PLCB4: variants seen among roughly 807,000 people sequenced by gnomAD.
PLCB4 encodes the protein 1-phosphatidylinositol 4,5-bisphosphate phosphodiesterase beta-4.
A neutral mutation model predicts 178.8 loss-of-function variants in PLCB4; 77 were observed. That is an observed-to-expected ratio of 0.43 (90% confidence interval 0.36 to 0.52). The LOEUF (loss-of-function observed/expected upper bound fraction) is 0.52, where lower values mean the gene tolerates loss of function less well. PLCB4 is among the 20% of genes least tolerant of loss of function. PLCB4 has a pLI of 0.00. For synonymous variants in PLCB4, 496 were observed against 490.8 expected (o/e 1.01, Z -0.14); for missense variants, 1,024 against 1,453.4 (o/e 0.70, Z 4.80).
rs148681704 is a variant in PLCB4 at position 9,186,431 on chromosome 20, A to G, written c.-78-30959A>G. 9.3e-3 allele frequency among the ~76,000 whole-genome samples: 1,423 copies of G among 152,306 alleles called. 24 individuals carry two copies. Among genetic ancestry groups the G allele is most frequent in the African/African-American group, 0.033 (1,361 of 41,564 alleles). On this transcript the variant is annotated intron_variant, in intron 2 of 39. Transcript: ENST00000378473. Reference sequence around the variant, plus strand: ...ATTGGCACGAGGCTCTTTTCAGGAAAGGGCCACTTTAACATCTATGGAAAA... The same window carrying G: ...ATTGGCACGAGGCTCTTTTCAGGAAGGGGCCACTTTAACATCTATGGAAAA...
chr20:9,383,563 G>A (rs1003135562), intron 13 of PLCB4, among the ~76,000 whole-genome samples: 1 of 152,178 alleles, frequency 6.6e-6, no homozygotes, highest in African/African-American at 2.4e-5. Context: ...AGGTGTGATC[G>A]AAATGAAGGG....
intron 32 of PLCB4, among the ~76,000 whole-genome samples, chr20:9,449,376 G>A (rs1238964610): frequency 6.6e-6 from 1 of 152,092 alleles, no homozygotes; most frequent in Non-Finnish European, 1.5e-5. Flanking sequence ...GTCCAAGCAG[G>A]AAGTAGCTGA....
At chr20:9,268,478 G>C (rs1486523338) in intron 3 of PLCB4, among the ~76,000 whole-genome samples, 3 of 152,104 alleles carry the variant, frequency 2.0e-5, no homozygotes, top group Admixed American at 6.5e-5. Context: ...CTTATATCTG[G>C]GTATTTTGTC....
chr20:9,267,989 C>A (rs1417637802), intron 3 of PLCB4, among the ~76,000 whole-genome samples: 1 of 152,024 alleles, frequency 6.6e-6, no homozygotes, highest in African/African-American at 2.4e-5. Flanking sequence ...TCTGTCACTT[C>A]TATAGAGAGT....
chr20:9,307,143 G>A lies in PLCB4; in HGVS notation c.-15-657G>A, dbSNP rs142698090. 6.1e-3 allele frequency among the ~76,000 whole-genome samples: 924 copies of A among 152,224 alleles called. 7 individuals carry two copies. Among genetic ancestry groups the A allele is most frequent in the South Asian group, 0.028 (134 of 4,818 alleles). ...CTGCTACAAACATTGTGAACACCCC[G>A]AGGCCCCACCTCAGTGGGCAGGCTG... On this transcript the variant is annotated intron_variant, in intron 3 of 39. Coordinates refer to ENST00000378473, the MANE Select transcript of PLCB4 (RefSeq NM_001377142.1).
At chr20:9,073,325 C>G (rs966481219) in intron 1 of PLCB4, among the ~76,000 whole-genome samples, 4 of 152,206 alleles carry the variant, frequency 2.6e-5, no homozygotes, top group African/African-American at 9.6e-5. Context: ...TTCTCTAGAA[C>G]AGGAGTTCTT....
Position 9,075,214 on chromosome 20 carries a change from T to C in PLCB4, c.-135+6008T>C, listed in dbSNP as rs62192800. Among the ~76,000 whole-genome samples, 1,473 of 152,232 alleles carry C rather than the reference T, an allele frequency of 9.7e-3. 9 individuals carry two copies. Among genetic ancestry groups the C allele is most frequent in the Non-Finnish European group, 0.016 (1,085 of 68,012 alleles). ...GGTAGGCTGACATCAGAACTCCAACTTCTAACCACCGTACTGTGTATTACC... is the reference window on the plus strand; with the variant it reads ...GGTAGGCTGACATCAGAACTCCAACCTCTAACCACCGTACTGTGTATTACC... On this transcript the variant is annotated intron_variant, in intron 1 of 39. Transcript: ENST00000378473.
chr20:9,236,067 G>A (rs142592110), intron 3 of PLCB4, among the ~76,000 whole-genome samples: 4 of 152,308 alleles, frequency 2.6e-5, no homozygotes, highest in Non-Finnish European at 5.9e-5. Flanking sequence ...CAATATGCGG[G>A]ATCCCCCTTC....
At chr20:9,317,353 C>T (rs892446150) in intron 4 of PLCB4, among the ~76,000 whole-genome samples, 1 of 152,182 alleles carries the variant, frequency 6.6e-6, no homozygotes, top group African/African-American at 2.4e-5. Context: ...TAACAGACTG[C>T]TCACCTTTCT....
At chr20:9,351,027 G>A (rs16995778) in intron 7 of PLCB4, among the ~76,000 whole-genome samples, 11,407 of 152,100 alleles carry the variant, frequency 0.075, 616 homozygotes, top group East Asian at 0.28. Flanking sequence ...TTAGTGGCCT[G>A]AAAAAAGGAT....
chr20:9,357,966 G>A (rs1267557901), intron 7 of PLCB4, among the ~76,000 whole-genome samples: 3 of 152,176 alleles, frequency 2.0e-5, no homozygotes, highest in Non-Finnish European at 4.4e-5. Context: ...GTCATCTGGG[G>A]ATCATGCTAA....
intron 2 of PLCB4, among the ~76,000 whole-genome samples, chr20:9,149,445 G>A (rs1251749502): frequency 6.6e-6 from 1 of 152,206 alleles, no homozygotes; most frequent in Non-Finnish European, 1.5e-5. Context: ...AGTAGTTTCT[G>A]TGTTCTGGTT....
At chr20:9,423,523 A>T (rs531603887) in intron 27 of PLCB4, among the ~76,000 whole-genome samples, 1 of 152,248 alleles carries the variant, frequency 6.6e-6, no homozygotes, top group African/African-American at 2.4e-5. Flanking sequence ...TTCATCTAAC[A>T]TTTTTCACGA....
intron 3 of PLCB4, among the ~76,000 whole-genome samples, chr20:9,226,969 G>GT (rs970472937): frequency 1.4e-3 from 206 of 151,376 alleles, no homozygotes; most frequent in African/African-American, 4.5e-3. Flanking sequence ...CTAATTTTTT[G>GT]TTTTTTTTGT....
intron 1 of PLCB4, among the ~76,000 whole-genome samples, chr20:9,095,649 G>A (rs1361007383): frequency 6.6e-6 from 1 of 152,138 alleles, no homozygotes; most frequent in Non-Finnish European, 1.5e-5. Context: ...GTAGGTTTCT[G>A]TGTCAATTGT....
intron 2 of PLCB4, among the ~76,000 whole-genome samples, chr20:9,151,600 T>C (rs1176689597): frequency 2.0e-5 from 3 of 152,192 alleles, no homozygotes; most frequent in African/African-American, 7.2e-5. Context: ...CCTCCCGCCA[T>C]GATTCTGAGG....
intron 25 of PLCB4, among the ~76,000 whole-genome samples, chr20:9,413,192 C>T (rs1028436757): frequency 4.6e-5 from 7 of 152,292 alleles, no homozygotes; most frequent in Middle Eastern, 3.4e-3. Context: ...TGCAGTGGCC[C>T]GGTGATGCTT....
At chr20:9,439,771 G>T (rs2148658633) in intron 30 of PLCB4, among the ~76,000 whole-genome samples, 1 of 152,312 alleles carries the variant, frequency 6.6e-6, no homozygotes, top group East Asian at 1.9e-4. Flanking sequence ...TACAGCTTAG[G>T]GAGTTGCAAG....
chr20:9,437,327 T>TGG, intron 30 of PLCB4, among the ~76,000 whole-genome samples, 175 bp downstream of exon 30: 1 of 152,226 alleles, frequency 6.6e-6, no homozygotes, highest in South Asian at 2.1e-4. Flanking sequence ...CATAGGTAGT[T>TGG]ACCTGGACAG....
Sources: allele counts gnomAD v4.1 joint callset (sites outside exome capture counted in the v4.1 genomes callset), GRCh38; gene constraint gnomAD v4.1.1; transcripts MANE v1.5; gene names NCBI Gene and HGNC (gene_info 2026-07-23, HGNC 2026-07-21).